The following NHSL2 variants were observed in gnomAD, a reference collection of about 807,000 sequenced individuals.
NHSL2 encodes the protein NHS-like protein 2.
Under a neutral mutation model 53.4 loss-of-function variants are expected in NHSL2, and 27 were observed. The observed-to-expected ratio is 0.51, with a 90% CI of 0.37 to 0.70. The LOEUF (loss-of-function observed/expected upper bound fraction) is 0.70. Ranked by LOEUF, NHSL2 falls within the 30% of genes least tolerant of loss-of-function variation. NHSL2 has a pLI of 0.00. For synonymous variants in NHSL2, 408 were observed against 404.1 expected (o/e 1.01, Z -0.12); for missense variants, 892 against 980.1 (o/e 0.91, Z 1.20).
intron 1 of NHSL2, among the ~76,000 whole-genome samples, chrX:72,085,504 A>G (rs967248108): frequency 1.8e-5 from 2 of 111,225 alleles, no homozygotes; most frequent in African/African-American, 6.5e-5. Context: ...CTGCTCTTCC[A>G]TATCTTGTCT....
At chrX:71,990,164 T>C (rs2042021283) in intron 1 of NHSL2, among the ~76,000 whole-genome samples, 1 of 111,954 alleles carries the variant, frequency 8.9e-6, no homozygotes, top group African/African-American at 3.3e-5. Context: ...ATTTGATTAG[T>C]GCTTGTTAAA....
intron 1 of NHSL2, among the ~76,000 whole-genome samples, chrX:72,124,491 C>T (rs1207911437): frequency 8.9e-6 from 1 of 111,901 alleles, no homozygotes; most frequent in East Asian, 2.8e-4. Flanking sequence ...CAGAACCAAA[C>T]TGGCCATTAA....
Position 72,011,695 on chromosome X carries a change from G to A in NHSL2, c.280+100328G>A, listed in dbSNP as rs535791354. On this transcript the variant is annotated intron_variant, in intron 1 of 7. Coordinates refer to ENST00000633930, the MANE Select transcript of NHSL2 (RefSeq NM_001013627.3). ...AAAAAAAAAACAAAACTGGCAAACT[G>A]TTTTCCAGAGCGGCTGTACCATTTT... Among the ~76,000 whole-genome samples the A allele has an allele frequency of 2.0e-4, 22 of 111,428 alleles. No individual in the cohort carries two copies. In the East Asian group the frequency reaches 4.8e-3, roughly 24 times the overall value.
At chrX:71,916,869 TCAGTCCATAGA>T (rs2041630695) in intron 1 of NHSL2, among the ~76,000 whole-genome samples, 1 of 112,467 alleles carries the variant, frequency 8.9e-6, no homozygotes, top group Non-Finnish European at 1.9e-5. Flanking sequence ...TAGTGCTTAT[TCAGTCCATAGA>T]CAATGCTTGG....
chrX:71,976,350 GGCCTGTTGTGAGGACTTAGTAA>G (rs1335388462), intron 1 of NHSL2, among the ~76,000 whole-genome samples: 4 of 111,500 alleles, frequency 3.6e-5, no homozygotes, highest in Admixed American at 9.5e-5. Context: ...CCTCCTCATA[GGCCTGTTGTGAGGACTTAGTAA>G]GCCTGTTGTG....
intron 1 of NHSL2, among the ~76,000 whole-genome samples, chrX:71,952,798 A>G (rs777560740): frequency 1.8e-5 from 2 of 110,755 alleles, no homozygotes; most frequent in South Asian, 7.9e-4. Context: ...CCCACTGTCC[A>G]CACTATACCA....
intron 1 of NHSL2, among the ~76,000 whole-genome samples, chrX:72,018,707 C>G (rs1221921298): frequency 1.8e-5 from 2 of 112,605 alleles, no homozygotes; most frequent in Admixed American, 1.8e-4. Context: ...GCCGGGCCCC[C>G]GCCCGCCCTC....
At chrX:72,048,811 A>G (rs969969304) in intron 1 of NHSL2, among the ~76,000 whole-genome samples, 6 of 108,824 alleles carry the variant, frequency 5.5e-5, no homozygotes, top group Non-Finnish European at 1.1e-4. Context: ...TGATTAGAAC[A>G]CAGAGTCTTT....
chrX:72,148,236 T>C lies in NHSL2; in HGVS notation c.*4662T>C, dbSNP rs1165320952. On this transcript the variant is annotated 3_prime_UTR_variant, in exon 8 of 8. Transcript: ENST00000633930. ...TTGAAGAGTCTGTGAAAATATGTCCTGTTTGTGAAAGGTGAAACTGTCCAA... is the reference window on the plus strand; with the variant it reads ...TTGAAGAGTCTGTGAAAATATGTCCCGTTTGTGAAAGGTGAAACTGTCCAA... 1 of 112,294 alleles carries C rather than the reference T, an allele frequency of 8.9e-6. No individual in the cohort carries two copies. Among genetic ancestry groups the C allele is most frequent in the East Asian group, 2.8e-4 (1 of 3,598 alleles). 9.3% of individuals were successfully genotyped at this position (112,294 alleles called of 1,213,427 possible).
chrX:72,129,736 G>C, intron 1 of NHSL2: 1 of 872,449 alleles, frequency 1.1e-6, no homozygotes, highest in South Asian at 2.4e-5. Context: ...ACTCCCTGAA[G>C]TCCTGGTCAG....
At chrX:72,104,575 G>A (rs2042022981) in intron 1 of NHSL2, among the ~76,000 whole-genome samples, 1 of 112,115 alleles carries the variant, frequency 8.9e-6, no homozygotes, top group Admixed American at 9.5e-5. Context: ...AAAGGTTTCT[G>A]AGCAGGAGGT....
chrX:72,027,853 C>A (rs2042193597), intron 1 of NHSL2, among the ~76,000 whole-genome samples: 1 of 110,119 alleles, frequency 9.1e-6, no homozygotes, highest in Admixed American at 9.6e-5. Context: ...GGTGACTCCA[C>A]TAGGGGTTTT....
chrX:71,971,666 T>C (rs1225977027), intron 1 of NHSL2, among the ~76,000 whole-genome samples: 1 of 112,340 alleles, frequency 8.9e-6, no homozygotes, highest in Non-Finnish European at 1.9e-5. Context: ...GCTTTCTAAA[T>C]TATTTAAGAA....
chrX:72,039,074 TTCCTTTCCTTTCCTTTCCTTTCC>T (rs2042257566), intron 1 of NHSL2, among the ~76,000 whole-genome samples: 1 of 35,189 alleles, frequency 2.8e-5, no homozygotes, highest in African/African-American at 2.1e-4. Flanking sequence ...TTCTTTTCCT[TTCCTTTCCTTTCCTTTCCTTTCC>T]TTTCCTTTCC....
intron 1 of NHSL2, among the ~76,000 whole-genome samples, chrX:72,019,938 A>T (rs1439933245): frequency 1.8e-5 from 2 of 111,946 alleles, no homozygotes; most frequent in African/African-American, 6.5e-5. Flanking sequence ...TCTGCAGAAT[A>T]AAGGCCTGGT....
intron 1 of NHSL2, among the ~76,000 whole-genome samples, chrX:71,921,592 G>A (rs754746358): frequency 9.0e-6 from 1 of 111,631 alleles, no homozygotes; most frequent in East Asian, 2.8e-4. Context: ...AACAAGAATA[G>A]CATTTTTGTT....
chrX:71,911,425 C>T, intron 1 of NHSL2, 58 bp downstream of exon 1: 1 of 982,427 alleles, frequency 1.0e-6, no homozygotes, highest in Admixed American at 4.4e-5. Flanking sequence ...CTAGGGGCGC[C>T]GGTCGGCGCT....
intron 1 of NHSL2, among the ~76,000 whole-genome samples, chrX:72,102,241 T>C (rs960855357): frequency 1.8e-5 from 2 of 112,325 alleles, no homozygotes; most frequent in Non-Finnish European, 3.8e-5. Flanking sequence ...CAGGCATCTA[T>C]GCACCTGCTG....
intron 1 of NHSL2, among the ~76,000 whole-genome samples, chrX:72,094,127 T>C (rs2041925101): frequency 9.0e-6 from 1 of 111,432 alleles, no homozygotes; most frequent in African/African-American, 3.3e-5. Flanking sequence ...CAACAGTGTA[T>C]AAATAGTTAC....
Sources: allele counts gnomAD v4.1 joint callset (sites outside exome capture counted in the v4.1 genomes callset), GRCh38; gene constraint gnomAD v4.1.1; transcripts MANE v1.5; gene names NCBI Gene and HGNC (gene_info 2026-07-23, HGNC 2026-07-21).